Variants in PTPN3 observed in about 807,000 individuals in gnomAD.
PTPN3 encodes the protein protein tyrosine phosphatase non-receptor type 3.
In PTPN3, 96 loss-of-function variants were observed where a neutral mutation model predicts 132.7. The ratio of observed to expected loss-of-function variants is 0.72; its 90% confidence interval spans 0.61 to 0.86. The LOEUF is 0.86. PTPN3 is among the 40% of genes least tolerant of loss of function. PTPN3 has a pLI of 0.00. For missense variants in PTPN3, 1,125 were observed against 1,159.6 expected (o/e 0.97, Z 0.43); for synonymous variants, 398 against 429.0 (o/e 0.93, Z 0.89).
the PTPN3 span, among the ~76,000 whole-genome samples, chr9:109,536,963 A>G: frequency 4.6e-5 from 7 of 152,036 alleles, no homozygotes; most frequent in Non-Finnish European, 1.0e-4. Flanking sequence ...GAAGTCGCAA[A>G]TGAAAGCCCA....
chr9:109,468,361 TTTTG>T (rs1554803727), intron 1 of PTPN3, among the ~76,000 whole-genome samples: 7 of 152,026 alleles, frequency 4.6e-5, no homozygotes, highest in African/African-American at 9.6e-5. Context: ...CAGTTTTTTT[TTTTG>T]TTTGTTTGTT....
At chr9:109,516,339 C>T in the PTPN3 span, among the ~76,000 whole-genome samples, 8 of 152,088 alleles carry the variant, frequency 5.3e-5, no homozygotes, top group African/African-American at 1.2e-4. Flanking sequence ...TAAAGAAGTA[C>T]GAGTACGATA....
chr9:109,382,489 T>C (rs760850869), intron 23 of PTPN3, 42 bp from the exon 24 acceptor site: 4 of 1,610,178 alleles, frequency 2.5e-6, no homozygotes, highest in Non-Finnish European at 3.4e-6. Flanking sequence ...ATCCAGGTGG[T>C]GAGCATGAGG....
chr9:109,449,605 G>T, intron 5 of PTPN3: 1 of 985,442 alleles, frequency 1.0e-6, no homozygotes, highest in Non-Finnish European at 1.2e-6. Context: ...CGCAGGTCAG[G>T]AAGCGCCCTG....
At position 109,491,778 on chromosome 9, in the gene PTPN3, G is replaced by C. The variant is rs1005971137; in HGVS notation, c.-18+6441C>G. On this transcript the variant is annotated intron_variant, in intron 1 of 25. Coordinates refer to ENST00000374541, the MANE Select transcript of PTPN3 (RefSeq NM_002829.4). Reference sequence around the variant, plus strand: ...CACAGGATGAAGTAATCAGTGGGGAGGGGGAGAAGGTCCCAGGCTCTTGCA... The same window carrying C: ...CACAGGATGAAGTAATCAGTGGGGACGGGGAGAAGGTCCCAGGCTCTTGCA... 1.6e-4 allele frequency among the ~76,000 whole-genome samples: 24 copies of C among 152,324 alleles called. 1 individual carries two copies. Among genetic ancestry groups the C allele is most frequent in the Admixed American group, 1.1e-3 (17 of 15,302 alleles).
intron 14 of PTPN3, 138 bp from the exon 15 acceptor site, chr9:109,410,553 T>C: frequency 2.1e-6 from 2 of 961,724 alleles, no homozygotes; most frequent in Non-Finnish European, 3.1e-6. Context: ...TCAGCGGGAT[T>C]TGAGTACACC....
At chr9:109,502,204 G>A (rs1457335330), upstream of PTPN3, among the ~76,000 whole-genome samples, 3 of 152,238 alleles carry the variant, frequency 2.0e-5, no homozygotes, top group African/African-American at 7.2e-5. Flanking sequence ...GCCAGGCACT[G>A]TATGCAGGCA....
At chr9:109,406,387 C>A in intron 18 of PTPN3, 75 bp downstream of exon 18, 2 of 1,466,718 alleles carry the variant, frequency 1.4e-6, no homozygotes, top group Non-Finnish European at 1.8e-6. Context: ...TTTTCAAGAG[C>A]AGATAAAGGG....
intron 22 of PTPN3, among the ~76,000 whole-genome samples, chr9:109,386,524 C>T (rs1266801301): frequency 6.6e-6 from 1 of 152,144 alleles, no homozygotes; most frequent in Admixed American, 6.6e-5. Context: ...GTCAGAGACA[C>T]AGGCGGCTCA....
the PTPN3 span, among the ~76,000 whole-genome samples, chr9:109,531,245 T>TTA: frequency 6.6e-6 from 1 of 152,138 alleles, no homozygotes; most frequent in Admixed American, 6.5e-5. Context: ...TATATCTCAA[T>TTA]AATATCTAGC....
intron 5 of PTPN3, among the ~76,000 whole-genome samples, chr9:109,452,266 C>CAAAAAAAAAA (rs1158259516): frequency 1.4e-5 from 1 of 71,652 alleles, no homozygotes; most frequent in African/African-American, 5.3e-5. Context: ...AGCTCCGTCT[C>CAAAAAAAAAA]AAAAAAAAAA....
intron 22 of PTPN3, among the ~76,000 whole-genome samples, chr9:109,385,620 G>A (rs1041375601): frequency 1.3e-5 from 2 of 152,228 alleles, no homozygotes; most frequent in African/African-American, 4.8e-5. Context: ...AGCCAGGCTG[G>A]TAATACTCTG....
At chr9:109,527,630 A>G in the PTPN3 span, among the ~76,000 whole-genome samples, 3 of 152,242 alleles carry the variant, frequency 2.0e-5, no homozygotes, top group African/African-American at 4.8e-5. Flanking sequence ...AATGTTCCCA[A>G]CTGGAATAAA....
At chr9:109,494,664 T>A (rs1847604373) in intron 1 of PTPN3, among the ~76,000 whole-genome samples, 1 of 152,154 alleles carries the variant, frequency 6.6e-6, no homozygotes, top group African/African-American at 2.4e-5. Context: ...AATGGCTGCA[T>A]CCTCTGGTGT....
intron 1 of PTPN3, among the ~76,000 whole-genome samples, chr9:109,475,990 T>C (rs1846645854): frequency 6.6e-6 from 1 of 152,194 alleles, no homozygotes; most frequent in South Asian, 2.1e-4. Context: ...ATCATCTTAT[T>C]TGTCTCTGAT....
At chr9:109,500,071 A>G (rs1216295059), upstream of PTPN3, among the ~76,000 whole-genome samples, 2 of 152,192 alleles carry the variant, frequency 1.3e-5, no homozygotes, top group Non-Finnish European at 2.9e-5. Context: ...TCCTTTCCCC[A>G]CTGCCTTATC....
At chr9:109,448,257 A>G (rs1020387572) in intron 6 of PTPN3, among the ~76,000 whole-genome samples, 11 of 152,132 alleles carry the variant, frequency 7.2e-5, no homozygotes, top group Admixed American at 2.0e-4. Flanking sequence ...GAGACTGGGA[A>G]TAAGCTGTGC....
chr9:109,494,319 A>T (rs555082392), intron 1 of PTPN3, among the ~76,000 whole-genome samples: 1 of 152,286 alleles, frequency 6.6e-6, no homozygotes, highest in African/African-American at 2.4e-5. Context: ...AAAAATAAAA[A>T]ATTAGCTGGG....
At chr9:109,516,767 G>A in the PTPN3 span, among the ~76,000 whole-genome samples, 1 of 152,144 alleles carries the variant, frequency 6.6e-6, no homozygotes. Flanking sequence ...CTAATAAAAG[G>A]GAACAATGAA....
Sources: allele counts gnomAD v4.1 joint callset (sites outside exome capture counted in the v4.1 genomes callset), GRCh38; gene constraint gnomAD v4.1.1; transcripts MANE v1.5; gene names NCBI Gene and HGNC (gene_info 2026-07-23, HGNC 2026-07-21).